Variants in MYO5B observed in about 807,000 individuals in gnomAD.
MYO5B encodes the protein myosin VB.
A neutral mutation model predicts 229.3 loss-of-function variants in MYO5B; 143 were observed. The observed-to-expected ratio is 0.62, with a 90% CI of 0.54 to 0.72. The LOEUF is 0.72. MYO5B is among the 30% of genes least tolerant of loss of function. The pLI is 0.00. For synonymous variants in MYO5B, 918 were observed against 885.2 expected (o/e 1.04, Z -0.66); for missense variants, 2,321 against 2,331.0 (o/e 1.00, Z 0.09).
intron 14 of MYO5B, among the ~76,000 whole-genome samples, chr18:49,937,668 T>C (rs994170676): frequency 1.3e-5 from 2 of 152,032 alleles, no homozygotes; most frequent in African/African-American, 4.8e-5. Context: ...AGAAATGACC[T>C]CCTGATCCAT....
intron 12 of MYO5B, among the ~76,000 whole-genome samples, chr18:49,958,512 CT>C (rs1308566743): frequency 1.3e-5 from 2 of 152,192 alleles, no homozygotes; most frequent in Non-Finnish European, 2.9e-5. Context: ...AGAAACTCAT[CT>C]GCACCCACAG....
chr18:49,959,063 C>A (rs780382888), intron 12 of MYO5B, among the ~76,000 whole-genome samples: 2 of 152,168 alleles, frequency 1.3e-5, no homozygotes, highest in Non-Finnish European at 2.9e-5. Context: ...CTTACCTGCC[C>A]CCACCAGGAG....
At chr18:50,175,866 C>A (rs560821407) in intron 1 of MYO5B, among the ~76,000 whole-genome samples, 2 of 152,242 alleles carry the variant, frequency 1.3e-5, no homozygotes, top group African/African-American at 4.8e-5. Flanking sequence ...CAACTGACCA[C>A]GTGCCCCTGC....
At chr18:49,992,456 T>C in intron 5 of MYO5B, 25 bp from the exon 6 acceptor site, 1 of 1,612,438 alleles carries the variant, frequency 6.2e-7, no homozygotes, top group African/African-American at 1.3e-5. Flanking sequence ...CAGACAAAGG[T>C]ATGAAAAAAA....
intron 2 of MYO5B, among the ~76,000 whole-genome samples, chr18:50,043,319 A>ATTTTATATATTTATATTATATATAATAT (rs2030086703): frequency 2.2e-5 from 2 of 91,376 alleles, no homozygotes; most frequent in South Asian, 6.5e-4. Context: ...ATAAATATAT[A>ATTTTATATATTTATATTATATATAATAT]AAATATATAT....
At chr18:50,162,409 A>G (rs968435771) in intron 1 of MYO5B, among the ~76,000 whole-genome samples, 1 of 152,154 alleles carries the variant, frequency 6.6e-6, no homozygotes, top group East Asian at 1.9e-4. Context: ...GGGAAGCAGT[A>G]AAACATCTAA....
At chr18:50,156,371 A>G (rs949644653) in intron 1 of MYO5B, among the ~76,000 whole-genome samples, 4 of 152,146 alleles carry the variant, frequency 2.6e-5, no homozygotes, top group African/African-American at 9.7e-5. Context: ...CCAGGTGGAG[A>G]TAACTGAATC....
chr18:50,118,774 G>A (rs2032010379), intron 1 of MYO5B, among the ~76,000 whole-genome samples: 1 of 152,058 alleles, frequency 6.6e-6, no homozygotes, highest in Admixed American at 6.5e-5. Flanking sequence ...ACAGGCGCCC[G>A]CCACTATGCC....
intron 27 of MYO5B, among the ~76,000 whole-genome samples, chr18:49,869,937 G>A (rs957507624): frequency 1.3e-5 from 2 of 152,158 alleles, no homozygotes; most frequent in African/African-American, 4.8e-5. Context: ...GGGTGGGTAG[G>A]ATTGATGCCC....
At chr18:49,892,170 C>T (rs1396244625) in intron 22 of MYO5B, among the ~76,000 whole-genome samples, 1 of 152,238 alleles carries the variant, frequency 6.6e-6, no homozygotes, top group Non-Finnish European at 1.5e-5. Context: ...ATCGCTGAAG[C>T]TTTCAAAAAG....
At chr18:50,102,295 G>A (rs1261327528) in intron 1 of MYO5B, among the ~76,000 whole-genome samples, 1 of 151,930 alleles carries the variant, frequency 6.6e-6, no homozygotes, top group African/African-American at 2.4e-5. Flanking sequence ...AACCACCATG[G>A]CACACCACAT....
intron 2 of MYO5B, among the ~76,000 whole-genome samples, chr18:50,052,018 C>T (rs1568087126): frequency 6.6e-6 from 1 of 152,146 alleles, no homozygotes; most frequent in Non-Finnish European, 1.5e-5. Context: ...CCATCTCACA[C>T]CAGTTAGAAT....
intron 29 of MYO5B, among the ~76,000 whole-genome samples, chr18:49,859,831 C>T (rs573824052): frequency 2.6e-5 from 4 of 152,286 alleles, no homozygotes; most frequent in Non-Finnish European, 4.4e-5. Context: ...TAGCTCTTCC[C>T]GCCTTCTTTG....
intron 14 of MYO5B, among the ~76,000 whole-genome samples, chr18:49,939,273 G>A (rs142003551): frequency 6.6e-6 from 1 of 151,020 alleles, no homozygotes; most frequent in African/African-American, 2.4e-5. Context: ...AGTGTCCCCA[G>A]TAGCTGGGAC....
At chr18:49,843,181 G>A in intron 34 of MYO5B, 60 bp downstream of exon 34, 2 of 1,603,536 alleles carry the variant, frequency 1.2e-6, no homozygotes, top group Non-Finnish European at 1.7e-6. Flanking sequence ...AGAAGCAACA[G>A]TAAGGGGCTG....
At chr18:49,933,311 C>A (rs1861993605) in intron 16 of MYO5B, among the ~76,000 whole-genome samples, 1 of 152,232 alleles carries the variant, frequency 6.6e-6, no homozygotes, top group Admixed American at 6.5e-5. Flanking sequence ...CTCTCTCTTG[C>A]CTCTGCCCTG....
chr18:50,037,706 C>T (rs2029887356), intron 3 of MYO5B, among the ~76,000 whole-genome samples: 1 of 152,124 alleles, frequency 6.6e-6, no homozygotes, highest in Non-Finnish European at 1.5e-5. Context: ...TTGAGACCAG[C>T]CTGGTTAACA....
Position 49,893,280 on chromosome 18 carries a change from A to T in MYO5B, c.3045+1661T>A, listed in dbSNP as rs139829586. Among the ~76,000 whole-genome samples, 69 of 152,324 alleles carry T rather than the reference A, an allele frequency of 4.5e-4. No homozygotes were observed. In the East Asian group the frequency reaches 8.1e-3, roughly 18 times the overall value. On this transcript the variant is annotated intron_variant, in intron 22 of 39. Coordinates refer to ENST00000285039, the MANE Select transcript of MYO5B (RefSeq NM_001080467.3). Reference sequence around the variant, plus strand: ...GATGTCTCATCTGACTGGGACACACATGCAGGGAATGTTTTTTCTCCCAGG... The same window carrying T: ...GATGTCTCATCTGACTGGGACACACTTGCAGGGAATGTTTTTTCTCCCAGG...
chr18:50,118,894 C>G (rs113503230), intron 1 of MYO5B, among the ~76,000 whole-genome samples: 2 of 152,156 alleles, frequency 1.3e-5, no homozygotes, highest in Non-Finnish European at 2.9e-5. Flanking sequence ...TAGTCACAGA[C>G]CACACTAAGA....
Sources: allele counts gnomAD v4.1 joint callset (sites outside exome capture counted in the v4.1 genomes callset), GRCh38; gene constraint gnomAD v4.1.1; transcripts MANE v1.5; gene names NCBI Gene and HGNC (gene_info 2026-07-23, HGNC 2026-07-21).